The following ARMC3 variants were observed in gnomAD, a reference collection of about 807,000 sequenced individuals.
ARMC3 encodes armadillo repeat-containing protein 3.
Under a neutral mutation model 90.3 loss-of-function variants are expected in ARMC3, and 74 were observed. That is an observed-to-expected ratio of 0.82 (90% CI 0.68 to 0.99). The LOEUF (loss-of-function observed/expected upper bound fraction) is 0.99. ARMC3 is among the 50% of genes least tolerant of loss of function. The pLI is 0.00. For synonymous variants in ARMC3, 334 were observed against 361.8 expected (o/e 0.92, Z 0.87); for missense variants, 958 against 1,042.8 (o/e 0.92, Z 1.12).
chr10:22,980,723 A>T (rs1318544061), intron 8 of ARMC3, among the ~76,000 whole-genome samples: 1 of 152,152 alleles, frequency 6.6e-6, no homozygotes, highest in Non-Finnish European at 1.5e-5. Context: ...AATGGTATGT[A>T]CTTAGACATA....
intron 11 of ARMC3, among the ~76,000 whole-genome samples, chr10:23,001,670 C>A (rs577546147): frequency 4.4e-4 from 67 of 152,152 alleles, no homozygotes; most frequent in South Asian, 1.0e-3. Flanking sequence ...CTGCTGCAGT[C>A]CCCGTCCCAC....
At chr10:23,019,909 C>G (rs551417719) in intron 16 of ARMC3, among the ~76,000 whole-genome samples, 17 of 152,326 alleles carry the variant, frequency 1.1e-4, no homozygotes, top group African/African-American at 4.1e-4. Context: ...ACGTTTGAGA[C>G]TGGCCTTTCC....
intron 2 of ARMC3, among the ~76,000 whole-genome samples, chr10:22,933,386 A>G (rs1159055489): frequency 6.6e-6 from 1 of 152,240 alleles, no homozygotes; most frequent in Non-Finnish European, 1.5e-5. Context: ...CTAATAAACA[A>G]TAGATGTATA....
chr10:23,009,334 C>G lies in ARMC3; in HGVS notation c.2045+403C>G, dbSNP rs1588914167. The stretch of plus-strand genomic sequence containing the variant: ...CCACACCCAGATGTGTGGTCCCACG[C>G]TCTCTCCTCCCGCCCCACTTTTGCT... On this transcript the variant is annotated intron_variant, in intron 16 of 18. Coordinates refer to ENST00000298032, the MANE Select transcript of ARMC3 (RefSeq NM_173081.5). Among the ~76,000 whole-genome samples, 4 of 152,348 alleles carry G rather than the reference C, an allele frequency of 2.6e-5. No individual in the cohort carries two copies. The South Asian group carries it at 8.3e-4, about 32-fold the overall frequency.
chr10:22,945,074 A>G (rs966115472), intron 2 of ARMC3, among the ~76,000 whole-genome samples: 4 of 152,188 alleles, frequency 2.6e-5, no homozygotes, highest in Non-Finnish European at 5.9e-5. Context: ...TTTCTCCTCC[A>G]AAAGGGAAAT....
intron 13 of ARMC3, among the ~76,000 whole-genome samples, chr10:23,005,648 T>G (rs1837566731): frequency 6.6e-6 from 1 of 152,096 alleles, no homozygotes; most frequent in Non-Finnish European, 1.5e-5. Context: ...GTGGATCACC[T>G]GAGGTTAGGA....
rs1241615247 is a variant in ARMC3, at chr10:22,959,379, T to C, written c.362-20T>C. The C allele has an allele frequency of 1.9e-6, 3 of 1,585,288 alleles. No individual in the cohort carries two copies. In the Admixed American group the frequency reaches 5.6e-5, roughly 30 times the overall value. On this transcript the variant is annotated intron_variant, in intron 5 of 18. Transcript: ENST00000298032. ...TAATAAGCAGTTGGCATACTTGTGT[T>C]ATTTATTTTTGATACACAGAAGAAG...
intron 10 of ARMC3, among the ~76,000 whole-genome samples, chr10:22,983,145 C>T (rs948986898): frequency 1.3e-5 from 2 of 152,076 alleles, no homozygotes. Context: ...AAAATCTTAT[C>T]AGAGACACTA....
chr10:22,958,758 G>A (rs974347446), intron 4 of ARMC3, among the ~76,000 whole-genome samples: 1 of 152,144 alleles, frequency 6.6e-6, no homozygotes, highest in Admixed American at 6.6e-5. Flanking sequence ...GTCTCACTCT[G>A]TTGCCCAGGC....
At chr10:23,022,652 T>A (rs1353786594) in intron 16 of ARMC3, among the ~76,000 whole-genome samples, 1 of 152,082 alleles carries the variant, frequency 6.6e-6, no homozygotes, top group Non-Finnish European at 1.5e-5. Context: ...ACACTAGGAA[T>A]CTAGGGTAAG....
At chr10:23,036,044 A>G (rs1368623361) in intron 18 of ARMC3, among the ~76,000 whole-genome samples, 2 of 152,174 alleles carry the variant, frequency 1.3e-5, no homozygotes, top group Non-Finnish European at 2.9e-5. Flanking sequence ...ACCTTAGGAA[A>G]ATTATGCGAC....
At chr10:23,013,233 T>C (rs117140799) in intron 16 of ARMC3, among the ~76,000 whole-genome samples, 1,987 of 152,230 alleles carry the variant, frequency 0.013, 18 homozygotes, top group South Asian at 0.029. Context: ...TCAGATCATA[T>C]GACTCTGCCT....
intron 7 of ARMC3, among the ~76,000 whole-genome samples, chr10:22,967,203 C>T (rs574551822): frequency 6.6e-6 from 1 of 152,236 alleles, no homozygotes; most frequent in Admixed American, 6.5e-5. Flanking sequence ...AGATGAGGTC[C>T]ACCCATATCA....
At chr10:23,003,912 C>G (rs546284516) in intron 13 of ARMC3, among the ~76,000 whole-genome samples, 1 of 152,064 alleles carries the variant, frequency 6.6e-6, no homozygotes, top group Non-Finnish European at 1.5e-5. Context: ...CTTTGGGAGT[C>G]TGAGGTAGGA....
intron 10 of ARMC3, among the ~76,000 whole-genome samples, chr10:22,995,562 T>C (rs887121602): frequency 3.9e-5 from 6 of 152,234 alleles, no homozygotes; most frequent in African/African-American, 1.4e-4. Context: ...TAGTTTTTTA[T>C]GCATTTCCCT....
chr10:23,018,575 G>A (rs1352522588), intron 16 of ARMC3, among the ~76,000 whole-genome samples: 1 of 136,592 alleles, frequency 7.3e-6, no homozygotes, highest in African/African-American at 2.8e-5. Context: ...GGAGTCCTGT[G>A]GCTCAATCTC....
At chr10:22,973,293 TTAATAATAATAATAATAA>T (rs148238155) in intron 8 of ARMC3, among the ~76,000 whole-genome samples, 3 of 140,912 alleles carry the variant, frequency 2.1e-5, no homozygotes, top group East Asian at 4.0e-4. Context: ...AGCAAGACCC[TTAATAATAATAATAATAA>T]TAATAATAAT....
At chr10:22,936,164 T>C (rs924440455) in intron 2 of ARMC3, among the ~76,000 whole-genome samples, 3 of 152,170 alleles carry the variant, frequency 2.0e-5, no homozygotes, top group African/African-American at 7.2e-5. Flanking sequence ...ATTAAAATTA[T>C]TAGTTTTAAA....
At chr10:23,008,122 A>G (rs1355789032) in intron 14 of ARMC3, among the ~76,000 whole-genome samples, 154 bp from the exon 15 acceptor site, 1 of 152,180 alleles carries the variant, frequency 6.6e-6, no homozygotes, top group Non-Finnish European at 1.5e-5. Context: ...AACAAAGAAA[A>G]AATGACTTCT....
Sources: allele counts gnomAD v4.1 joint callset (sites outside exome capture counted in the v4.1 genomes callset), GRCh38; gene constraint gnomAD v4.1.1; transcripts MANE v1.5; gene names NCBI Gene and HGNC (gene_info 2026-07-23, HGNC 2026-07-21).